CAMTA1: variants seen among roughly 807,000 people sequenced by gnomAD.
CAMTA1 encodes the protein calmodulin-binding transcription activator 1.
In CAMTA1, 27 loss-of-function variants were observed where a neutral mutation model predicts 170.9. The observed-to-expected ratio is 0.16, with a 90% confidence interval of 0.12 to 0.22. The LOEUF is 0.22. CAMTA1 is among the 10% of genes least tolerant of loss of function. The pLI, the probability that CAMTA1 is intolerant of heterozygous loss-of-function variation, is 1.00. For synonymous variants in CAMTA1, 833 were observed against 891.5 expected (o/e 0.93, Z 1.17); for missense variants, 1,619 against 2,217.2 (o/e 0.73, Z 5.42).
At chr1:7,658,651 G>A (rs1230184625) in intron 7 of CAMTA1, among the ~76,000 whole-genome samples, 2 of 152,102 alleles carry the variant, frequency 1.3e-5, no homozygotes, top group Admixed American at 1.3e-4. Flanking sequence ...GCCAAGGAGT[G>A]CCCTGGGCAT....
intron 6 of CAMTA1, among the ~76,000 whole-genome samples, chr1:7,551,135 T>G (rs1319808085): frequency 8.5e-5 from 13 of 152,076 alleles, no homozygotes; most frequent in Admixed American, 8.5e-4. Flanking sequence ...TACTCACTAG[T>G]CCCTCCTGGT....
At chr1:6,797,676 C>T (rs948801194) in intron 1 of CAMTA1, among the ~76,000 whole-genome samples, 2 of 151,998 alleles carry the variant, frequency 1.3e-5, no homozygotes, top group African/African-American at 2.4e-5. Flanking sequence ...CGTGAGCCAC[C>T]GCGCCTGTCT....
intron 5 of CAMTA1, among the ~76,000 whole-genome samples, chr1:7,398,185 C>CTA (rs2089533322): frequency 8.6e-5 from 4 of 46,544 alleles, no homozygotes; most frequent in Non-Finnish European, 1.2e-4. Context: ...CTCTCTCTCT[C>CTA]TCTCTCTCTA....
chr1:7,350,160 G>T (rs1049122705), intron 5 of CAMTA1, among the ~76,000 whole-genome samples: 2 of 152,098 alleles, frequency 1.3e-5, no homozygotes, highest in Non-Finnish European at 2.9e-5. Context: ...ACCTGCTCTT[G>T]TTCTCCCCCA....
chr1:7,331,879 A>G (rs1203796311), intron 5 of CAMTA1, among the ~76,000 whole-genome samples: 1 of 152,192 alleles, frequency 6.6e-6, no homozygotes, highest in Admixed American at 6.5e-5. Context: ...GGATGATCCC[A>G]CAGAGCTCTT....
At chr1:7,323,447 A>T (rs1678762763) in intron 5 of CAMTA1, among the ~76,000 whole-genome samples, 1 of 151,160 alleles carries the variant, frequency 6.6e-6, no homozygotes. Context: ...AAATTGTAAA[A>T]TTGTGCTTCC....
intron 3 of CAMTA1, among the ~76,000 whole-genome samples, chr1:6,840,660 A>T (rs980971258): frequency 6.6e-6 from 1 of 152,178 alleles, no homozygotes; most frequent in Non-Finnish European, 1.5e-5. Flanking sequence ...GGAGATAAAA[A>T]TTGGAGAGCC....
intron 6 of CAMTA1, among the ~76,000 whole-genome samples, chr1:7,597,979 CAATGT>C (rs2150542793): frequency 6.6e-6 from 1 of 151,146 alleles, no homozygotes; most frequent in East Asian, 1.9e-4. Flanking sequence ...TACATGTGCA[CAATGT>C]GCAGGTTTGT....
chr1:7,307,901 C>T (rs1574568686), intron 5 of CAMTA1, among the ~76,000 whole-genome samples: 1 of 152,082 alleles, frequency 6.6e-6, no homozygotes, highest in East Asian at 1.9e-4. Flanking sequence ...CTTCTGTTTT[C>T]TGGAAGAGTT....
chr1:7,476,703 G>C (rs566515416), intron 6 of CAMTA1, among the ~76,000 whole-genome samples: 1 of 152,270 alleles, frequency 6.6e-6, no homozygotes, highest in Non-Finnish European at 1.5e-5. Context: ...GGGCTCAGAA[G>C]AGAGCAGGAC....
chr1:6,858,895 G>A (rs781071232), intron 3 of CAMTA1, among the ~76,000 whole-genome samples: 4 of 152,180 alleles, frequency 2.6e-5, no homozygotes, highest in Non-Finnish European at 4.4e-5. Context: ...ATAACTGGAA[G>A]CTGCCTTATA....
At position 7,249,651 on chromosome 1, in the gene CAMTA1, G is replaced by C; in HGVS notation, c.438+25G>C. 6.2e-7 allele frequency: 1 copy of C among 1,610,728 alleles called. No individual in the cohort carries two copies. Among genetic ancestry groups the C allele is most frequent in the Non-Finnish European group, 8.5e-7 (1 of 1,178,292 alleles). ...GGTAAACAGCAGAAAAGGTTCCCTT[G>C]GTGCACAAATGTCATTTGCAGGCTG... On this transcript the variant is annotated intron_variant, in intron 5 of 22. Coordinates refer to ENST00000303635, the MANE Select transcript of CAMTA1 (RefSeq NM_015215.4). The surrounding 1 kb of genome is among the most constrained non-coding windows in gnomAD (Gnocchi z 4.4).
At chr1:7,669,662 G>A (rs1187802123) in intron 9 of CAMTA1, among the ~76,000 whole-genome samples, 3 of 152,330 alleles carry the variant, frequency 2.0e-5, no homozygotes, top group East Asian at 1.9e-4. Context: ...GGTGCTCTCC[G>A]CCCTGACCTA....
chr1:7,322,154 C>T (rs1003332853), intron 5 of CAMTA1, among the ~76,000 whole-genome samples: 1 of 152,224 alleles, frequency 6.6e-6, no homozygotes, highest in African/African-American at 2.4e-5. Context: ...CGGTGTCTGA[C>T]TCTGGCATAA....
chr1:7,535,065 GC>G (rs2094533398), intron 6 of CAMTA1, among the ~76,000 whole-genome samples: 1 of 152,186 alleles, frequency 6.6e-6, no homozygotes, highest in African/African-American at 2.4e-5. Flanking sequence ...ACCACAGGCC[GC>G]CCGCCCCACC....
At chr1:6,833,655 C>T (rs1273682187) in intron 3 of CAMTA1, among the ~76,000 whole-genome samples, 1 of 152,120 alleles carries the variant, frequency 6.6e-6, no homozygotes, top group Non-Finnish European at 1.5e-5. Context: ...AGCCTTGGCA[C>T]AAATACATCA....
chr1:7,438,366 A>T (rs2092413875), intron 5 of CAMTA1, among the ~76,000 whole-genome samples: 1 of 152,118 alleles, frequency 6.6e-6, no homozygotes, highest in Admixed American at 6.5e-5. Context: ...ATCCTTTGAG[A>T]AGAAGCCAAA....
At position 7,592,721 on chromosome 1, in the gene CAMTA1, CTCATGGAGTCAACCA is replaced by C. The variant is rs1375386015; in HGVS notation, c.511-47678_511-47664del. Among the ~76,000 whole-genome samples the C allele has an allele frequency of 6.6e-6, 1 of 152,120 alleles. No individual in the cohort carries two copies. Among genetic ancestry groups the C allele is most frequent in the Non-Finnish European group, 1.5e-5 (1 of 68,030 alleles). On this transcript the variant is annotated intron_variant, in intron 6 of 22. Transcript: ENST00000303635. This position sits in a 1 kb window ranked among gnomAD's most constrained non-coding sequence, Gnocchi z 4.6. The stretch of plus-strand genomic sequence containing the variant: ...CCCTGAACATAGGACACACAGTGTC[CTCATGGAGTCAACCA>C]GCATCTCCTGCATCCTCTACCTTGG...
chr1:7,064,589 G>C lies in CAMTA1; in HGVS notation c.235-26715G>C, dbSNP rs1708722515. 6.6e-6 allele frequency among the ~76,000 whole-genome samples: 1 copy of C among 152,190 alleles called. No individual in the cohort carries two copies. Among genetic ancestry groups the C allele is most frequent in the Non-Finnish European group, 1.5e-5 (1 of 68,036 alleles). On this transcript the variant is annotated intron_variant, in intron 3 of 22. Coordinates refer to ENST00000303635, the MANE Select transcript of CAMTA1 (RefSeq NM_015215.4). This position sits in a 1 kb window ranked among gnomAD's most constrained non-coding sequence, Gnocchi z 5.4. ...CAGTTTAAGCTGAGATGGGAAGGAA[G>C]AGAGGAAGGTGGCCAGTGGAGGGCC... is the stretch of plus-strand genomic sequence containing the variant.
Sources: allele counts gnomAD v4.1 joint callset (sites outside exome capture counted in the v4.1 genomes callset), GRCh38; gene constraint gnomAD v4.1.1; non-coding constraint Gnocchi (gnomAD v3.1); transcripts MANE v1.5; gene names NCBI Gene and HGNC (gene_info 2026-07-23, HGNC 2026-07-21).